Variants in RIMS2 observed in about 807,000 individuals in gnomAD.
The protein encoded by RIMS2 is regulating synaptic membrane exocytosis protein 2.
A neutral mutation model predicts 174.4 loss-of-function variants in RIMS2; 59 were observed. The ratio of observed to expected loss-of-function variants is 0.34; its 90% confidence interval spans 0.27 to 0.42. RIMS2 has a LOEUF of 0.42. RIMS2 is among the 10% of genes least tolerant of loss of function. RIMS2 has a pLI of 1.00. For synonymous variants in RIMS2, 606 were observed against 572.5 expected (o/e 1.06, Z -0.84); for missense variants, 1,620 against 1,666.3 (o/e 0.97, Z 0.48).
chr8:104,138,452 C>T (rs1357847357), intron 19 of RIMS2, among the ~76,000 whole-genome samples: 7 of 151,870 alleles, frequency 4.6e-5, no homozygotes, highest in East Asian at 1.9e-4. Flanking sequence ...CCTCTTTTTT[C>T]GATAAAATCC....
chr8:104,052,500 G>T (rs1361337888), intron 19 of RIMS2, among the ~76,000 whole-genome samples: 1 of 151,978 alleles, frequency 6.6e-6, no homozygotes, highest in Non-Finnish European at 1.5e-5. Flanking sequence ...AATCAAAGAA[G>T]GGACTAAAGC....
At chr8:104,062,859 G>A (rs2097028145) in intron 19 of RIMS2, among the ~76,000 whole-genome samples, 2 of 151,870 alleles carry the variant, frequency 1.3e-5, no homozygotes, top group Non-Finnish European at 2.9e-5. Flanking sequence ...TTCATAAAAT[G>A]TAATAAGATA....
At chr8:104,037,177 TA>T (rs1226556441) in intron 19 of RIMS2, among the ~76,000 whole-genome samples, 1 of 152,194 alleles carries the variant, frequency 6.6e-6, no homozygotes, top group Non-Finnish European at 1.5e-5. Flanking sequence ...AGGAGACTTC[TA>T]TTCTGATCTT....
intron 15 of RIMS2, among the ~76,000 whole-genome samples, chr8:103,971,490 G>A (rs574575467): frequency 1.1e-4 from 16 of 151,620 alleles, no homozygotes; most frequent in Admixed American, 9.2e-4. Flanking sequence ...TTTGACCTAC[G>A]CAACTGAAAC....
chr8:103,501,167 T>C (rs36056848), intron 1 of RIMS2, 105 bp downstream of exon 1: 314,960 of 855,882 alleles, frequency 0.37, 59,827 homozygotes, highest in African/African-American at 0.4. Flanking sequence ...TCCCTCCCGC[T>C]GGCGGCGCCC....
At chr8:103,531,152 A>G (rs971716864) in intron 1 of RIMS2, among the ~76,000 whole-genome samples, 1 of 152,106 alleles carries the variant, frequency 6.6e-6, no homozygotes, top group Admixed American at 6.5e-5. Flanking sequence ...TATACAGAGC[A>G]CTTTACCCAA....
chr8:103,590,329 A>T (rs538662595), intron 1 of RIMS2, among the ~76,000 whole-genome samples: 1 of 151,564 alleles, frequency 6.6e-6, no homozygotes, highest in Admixed American at 6.6e-5. Flanking sequence ...AAAAATCATT[A>T]TACAGAAATC....
chr8:103,608,438 T>C (rs1368414246), intron 1 of RIMS2, among the ~76,000 whole-genome samples: 1 of 144,160 alleles, frequency 6.9e-6, no homozygotes, highest in Admixed American at 6.7e-5. Context: ...GTTACTGCTG[T>C]CTTTTTGTTT....
chr8:103,621,780 G>A (rs1435058128), intron 1 of RIMS2, among the ~76,000 whole-genome samples: 2 of 152,178 alleles, frequency 1.3e-5, no homozygotes, highest in Admixed American at 1.3e-4. Flanking sequence ...AACATCAGAA[G>A]GAATGGATGT....
intron 1 of RIMS2, among the ~76,000 whole-genome samples, chr8:103,617,900 TTGG>T (rs2095543540): frequency 6.6e-6 from 1 of 152,194 alleles, no homozygotes; most frequent in South Asian, 2.1e-4. Flanking sequence ...TTATAAAGTG[TTGG>T]TGGGAGTGTA....
chr8:103,963,377 A>T (rs1363296237), intron 15 of RIMS2, among the ~76,000 whole-genome samples: 1 of 152,208 alleles, frequency 6.6e-6, no homozygotes, highest in Non-Finnish European at 1.5e-5. Flanking sequence ...CATTGAATAA[A>T]GTCAAATTCA....
At chr8:103,585,064 A>G (rs1435347126) in intron 1 of RIMS2, among the ~76,000 whole-genome samples, 2 of 152,258 alleles carry the variant, frequency 1.3e-5, no homozygotes, top group African/African-American at 4.8e-5. Flanking sequence ...GGAAACTATA[A>G]AAGAGCAGGA....
intron 1 of RIMS2, among the ~76,000 whole-genome samples, chr8:103,641,362 TTTTC>T (rs1589553101): frequency 6.6e-6 from 1 of 152,318 alleles, no homozygotes; most frequent in African/African-American, 2.4e-5. Context: ...AATATTTGTC[TTTTC>T]TTTATGTGAG....
intron 17 of RIMS2, among the ~76,000 whole-genome samples, chr8:104,009,403 C>T (rs367817060): frequency 6.6e-6 from 1 of 151,992 alleles, no homozygotes; most frequent in African/African-American, 2.4e-5. Context: ...AAGCAATCCT[C>T]CCACTTTAGC....
At chr8:103,791,648 C>T (rs537651935) in intron 3 of RIMS2, among the ~76,000 whole-genome samples, 2 of 152,254 alleles carry the variant, frequency 1.3e-5, no homozygotes, top group South Asian at 4.1e-4. Context: ...GAGTCAAGAT[C>T]CATCAGTATG....
intron 3 of RIMS2, among the ~76,000 whole-genome samples, chr8:103,866,930 G>T (rs923207658): frequency 6.6e-6 from 1 of 151,744 alleles, no homozygotes; most frequent in Admixed American, 6.6e-5. Flanking sequence ...GGTTCATATA[G>T]GATGAATATC....
chr8:103,819,412 G>A, intron 3 of RIMS2: 1 of 1,581,756 alleles, frequency 6.3e-7, no homozygotes, highest in Non-Finnish European at 8.5e-7. Flanking sequence ...TATGGAACTT[G>A]ATTGGCGTGT....
chr8:103,954,407 A>C (rs1595757392), intron 14 of RIMS2, among the ~76,000 whole-genome samples: 1 of 152,268 alleles, frequency 6.6e-6, no homozygotes, highest in African/African-American at 2.4e-5. Flanking sequence ...ACAGTCTCTC[A>C]GACCACAGTG....
At chr8:104,198,087 C>T (rs1198577390) in intron 19 of RIMS2, among the ~76,000 whole-genome samples, 1 of 151,940 alleles carries the variant, frequency 6.6e-6, no homozygotes, top group Admixed American at 6.6e-5. Flanking sequence ...ATCAATAATC[C>T]TTTTATGACA....
Sources: allele counts gnomAD v4.1 joint callset (sites outside exome capture counted in the v4.1 genomes callset), GRCh38; gene constraint gnomAD v4.1.1; transcripts MANE v1.5; gene names NCBI Gene and HGNC (gene_info 2026-07-23, HGNC 2026-07-21).